Variants in FANCD2OS observed in about 807,000 individuals in gnomAD.
FANCD2OS encodes the protein FANCD2 opposite strand protein.
FANCD2OS carries 11 observed loss-of-function variants against 13.2 expected under a neutral mutation model. The ratio of observed to expected loss-of-function variants is 0.83; its 90% CI spans 0.52 to 1.38. FANCD2OS has a LOEUF of 1.38. Ranked by LOEUF, FANCD2OS falls within the 40% of genes most tolerant of loss-of-function variation. The pLI is 0.00. For missense variants in FANCD2OS, 217 were observed against 213.9 expected, an observed-to-expected ratio of 1.01 and a Z score of -0.09; for synonymous variants, 69 against 84.5, an observed-to-expected ratio of 0.82 and a Z score of 1.01.
chr3:10,090,705 A>T (rs1190250892), intron 2 of FANCD2OS, among the ~76,000 whole-genome samples: 4 of 151,990 alleles, frequency 2.6e-5, no homozygotes, highest in Non-Finnish European at 5.9e-5. Flanking sequence ...TGATCCACCC[A>T]CCTCGGCCTC....
intron 2 of FANCD2OS, among the ~76,000 whole-genome samples, chr3:10,083,014 C>T (rs941568514): frequency 6.6e-6 from 1 of 152,092 alleles, no homozygotes; most frequent in African/African-American, 2.4e-5. Flanking sequence ...ATCACTTGAG[C>T]TCAGGAGTTC....
chr3:10,097,088 G>A (rs1695014160), intron 2 of FANCD2OS, among the ~76,000 whole-genome samples: 1 of 152,184 alleles, frequency 6.6e-6, no homozygotes, highest in African/African-American at 2.4e-5. Context: ...TTTCAAAAGG[G>A]GAGGGAGTGT....
chr3:10,088,556 T>C, intron 2 of FANCD2OS: 1 of 1,540,790 alleles, frequency 6.5e-7, no homozygotes, highest in East Asian at 2.2e-5. Context: ...AGATGTTTGG[T>C]TTCTTCCAAT....
chr3:10,098,920 G>A, downstream of FANCD2OS: 1 of 1,614,146 alleles, frequency 6.2e-7, no homozygotes, highest in East Asian at 2.2e-5. Flanking sequence ...ATTGTCAAAT[G>A]CTTCTATGCC....
chr3:10,081,385 G>C, exon 3 of FANCD2OS: 5 of 1,614,138 alleles, frequency 3.1e-6, no homozygotes, highest in Non-Finnish European at 4.2e-6. Flanking sequence ...TGATGGACCA[G>C]GAGTGAAAGT....
chr3:10,088,006 G>A (rs774504069), intron 2 of FANCD2OS, among the ~76,000 whole-genome samples: 15 of 152,126 alleles, frequency 9.9e-5, no homozygotes, highest in Admixed American at 3.3e-4. Flanking sequence ...CATCCTAGTT[G>A]GCAGCACATC....
chr3:10,096,942 A>G (rs12152341), intron 2 of FANCD2OS, among the ~76,000 whole-genome samples: 36,742 of 152,052 alleles, frequency 0.24, 5,929 homozygotes, highest in African/African-American at 0.46. Context: ...CCTAAGTGTC[A>G]GCTGGCTTGA....
Position 10,094,320 on chromosome 3 carries a change from A to G in FANCD2OS, c.*43+9878T>C, listed in dbSNP as rs2125090692. On this transcript the variant is annotated intron_variant, in intron 2 of 2. Transcript: ENST00000524279. ...CGTCTCTTTGTGGAAGCATTTCTGA[A>G]GCAATGTATGCCGCTCCTAGACTTC... is the stretch of plus-strand genomic sequence containing the variant. 6.2e-7 allele frequency: 1 copy of G among 1,614,088 alleles called. No individual in the cohort carries two copies. The highest frequency in any genetic ancestry group is 1.1e-5 in the South Asian group (1 of 91,082).
In FANCD2OS at chr3:10,087,527, C is replaced by CA. The variant is rs112934348; in HGVS notation, c.*44-5997dup. Reference sequence around the variant, plus strand: ...TAAGTTTAATCATGTTCTTCCTTTTCAAAAAAAAAAAATTTATCTGAGACA... The same window carrying CA: ...TAAGTTTAATCATGTTCTTCCTTTTCAAAAAAAAAAAAATTTATCTGAGACA... On this transcript the variant is annotated intron_variant, in intron 2 of 2. Transcript: ENST00000524279. 0.26 allele frequency among the ~76,000 whole-genome samples: 36,268 copies of CA among 139,792 alleles called. 5,886 individuals carry two copies. Among genetic ancestry groups the CA allele is most frequent in the African/African-American group, 0.48 (19,005 of 39,348 alleles). 91.7% of individuals were successfully genotyped at this position (139,792 alleles called of 152,430 possible).
chr3:10,093,614 A>G (rs1347139846), intron 2 of FANCD2OS, among the ~76,000 whole-genome samples: 3 of 152,140 alleles, frequency 2.0e-5, no homozygotes, highest in Non-Finnish European at 4.4e-5. Flanking sequence ...ATTCCTTACC[A>G]GGCAAAAGGG....
chr3:10,101,665 G>A, downstream of FANCD2OS: 1 of 293,740 alleles, frequency 3.4e-6, no homozygotes, highest in Admixed American at 4.8e-5. Context: ...TTACAGGCAT[G>A]AGCCACCGCT....
chr3:10,099,016 C>T (rs923461350), downstream of FANCD2OS: 5 of 1,612,446 alleles, frequency 3.1e-6, no homozygotes, highest in Non-Finnish European at 4.2e-6. Context: ...AGAATCACTC[C>T]TGAGTATCTC....
chr3:10,094,739 C>A, intron 2 of FANCD2OS: 1 of 320,230 alleles, frequency 3.1e-6, no homozygotes, highest in South Asian at 3.3e-5. Flanking sequence ...GTCATAAAAC[C>A]CTTTGCTGTG....
At chr3:10,103,723 C>T (rs573687626), downstream of FANCD2OS, among the ~76,000 whole-genome samples, 4 of 152,270 alleles carry the variant, frequency 2.6e-5, no homozygotes, top group South Asian at 4.1e-4. Flanking sequence ...TGTTTAATAT[C>T]AGTATTTCTA....
intron 1 of FANCD2OS, among the ~76,000 whole-genome samples, chr3:10,105,979 A>G (rs1310247345): frequency 3.3e-5 from 5 of 151,304 alleles, no homozygotes; most frequent in Admixed American, 6.6e-5. Flanking sequence ...TGCATTGTCT[A>G]TTTTGAGAAT....
At chr3:10,100,250 C>G (rs1041063067), downstream of FANCD2OS, among the ~76,000 whole-genome samples, 1 of 152,168 alleles carries the variant, frequency 6.6e-6, no homozygotes, top group African/African-American at 2.4e-5. Flanking sequence ...CTACTTTTTT[C>G]TCAGAATTTG....
chr3:10,091,011 A>G (rs1195314962), intron 2 of FANCD2OS, among the ~76,000 whole-genome samples: 1 of 151,938 alleles, frequency 6.6e-6, no homozygotes, highest in Non-Finnish European at 1.5e-5. Flanking sequence ...GCTAACCAGA[A>G]CGGAGCTAGA....
Position 10,104,149 on chromosome 3 carries a change from T to G in FANCD2OS, c.*92A>C. 8.5e-7 allele frequency: 1 copy of G among 1,183,364 alleles called. No homozygotes were observed. Among genetic ancestry groups the G allele is most frequent in the Non-Finnish European group, 1.2e-6 (1 of 852,500 alleles). The allele number at this position is 1,183,364 out of a possible 1,614,324, so 73.3% of individuals were successfully genotyped here. A position where few individuals can be genotyped will look rare whatever the true frequency, so the allele number is the denominator to read the frequency against. ...CAAAAGCAAGATGGCTGGGACAATG[T>G]CACAGTTTCATTTACATGGACAGGT... On this transcript the variant is annotated 3_prime_UTR_variant, in exon 2 of 2. Transcript: ENST00000450660.
chr3:10,107,178 G>T (rs1047734956), intron 1 of FANCD2OS, among the ~76,000 whole-genome samples: 8 of 152,162 alleles, frequency 5.3e-5, no homozygotes, highest in African/African-American at 1.9e-4. Context: ...GGACTACTGT[G>T]GTACACCACC....
Sources: gnomAD v4.1 joint callset for allele counts (sites outside exome capture counted in the v4.1 genomes callset) on GRCh38, gnomAD v4.1.1 for gene constraint, MANE v1.5 for transcripts, NCBI Gene and HGNC (gene_info 2026-07-23, HGNC 2026-07-21) for gene names.